The following SFXN1 variants were observed in gnomAD, a reference collection of about 807,000 sequenced individuals.
The protein encoded by SFXN1 is sideroflexin-1.
Under a neutral mutation model 39.5 loss-of-function variants are expected in SFXN1, and 32 were observed. The ratio of observed to expected loss-of-function variants is 0.81; its 90% CI spans 0.61 to 1.09. SFXN1 has a LOEUF of 1.09. Among genes scored for constraint, SFXN1 ranks in the 50% least tolerant of loss-of-function variants. The pLI is 0.00. For missense variants in SFXN1, 402 were observed against 407.1 expected (o/e 0.99, Z 0.11); for synonymous variants, 136 against 146.5 (o/e 0.93, Z 0.52).
intron 8 of SFXN1, among the ~76,000 whole-genome samples, chr5:175,520,651 G>A (rs1760851071): frequency 6.6e-6 from 1 of 152,266 alleles, no homozygotes; most frequent in African/African-American, 2.4e-5. Context: ...CCAGTTTGCT[G>A]CAGACCAGAG....
At chr5:175,484,444 C>T (rs1270267175) in intron 1 of SFXN1, among the ~76,000 whole-genome samples, 4 of 152,212 alleles carry the variant, frequency 2.6e-5, no homozygotes, top group Non-Finnish European at 4.4e-5. Flanking sequence ...ACCAGGTGTG[C>T]GGGGCACATG....
At chr5:175,491,922 GACA>G in intron 1 of SFXN1, 170 bp from the exon 2 acceptor site, 1 of 473,760 alleles carries the variant, frequency 2.1e-6, no homozygotes, top group Non-Finnish European at 3.7e-6. Context: ...GAGATTTATA[GACA>G]AACTTAGCTT....
intron 2 of SFXN1, among the ~76,000 whole-genome samples, chr5:175,493,242 A>G (rs1278053584): frequency 3.9e-5 from 6 of 152,074 alleles, no homozygotes; most frequent in Non-Finnish European, 2.9e-5. Context: ...CCTGGGCGAC[A>G]GAGCGAAACT....
chr5:175,500,824 G>T (rs1760048648), intron 2 of SFXN1, among the ~76,000 whole-genome samples: 1 of 152,156 alleles, frequency 6.6e-6, no homozygotes, highest in African/African-American at 2.4e-5. Flanking sequence ...GCACAAATGT[G>T]TATAGTTAAC....
At chr5:175,518,806 A>G (rs1049182113) in intron 8 of SFXN1, among the ~76,000 whole-genome samples, 12 of 152,266 alleles carry the variant, frequency 7.9e-5, no homozygotes, top group African/African-American at 2.7e-4. Flanking sequence ...TAAAACTTCT[A>G]GAAGAAAATA....
chr5:175,482,985 G>A (rs1759312258), intron 1 of SFXN1, among the ~76,000 whole-genome samples: 1 of 152,084 alleles, frequency 6.6e-6, no homozygotes, highest in East Asian at 1.9e-4. Context: ...TACATAAGAG[G>A]CCTTCAGTGG....
chr5:175,521,771 C>G (rs888192395), intron 8 of SFXN1, 148 bp from the exon 9 acceptor site: 1 of 594,664 alleles, frequency 1.7e-6, no homozygotes, highest in East Asian at 2.6e-5. Context: ...AGGCTAACAC[C>G]CTTGTTGCAG....
At position 175,492,101 on chromosome 5, in the gene SFXN1, A is replaced by G. The variant is rs1331181724; in HGVS notation, c.-3A>G. The G allele has an allele frequency of 1.2e-6, 2 of 1,612,266 alleles. No individual in the cohort carries two copies. Among genetic ancestry groups the G allele is most frequent in the Non-Finnish European group, 1.7e-6 (2 of 1,179,422 alleles). On this transcript the variant is annotated 5_prime_UTR_variant, in exon 2 of 11. Coordinates refer to ENST00000321442, the MANE Select transcript of SFXN1 (RefSeq NM_022754.7). ...CCTTTTTGACTCTTTGCAGTCCGGG[A>G]CCATGTCTGGAGAACTACCACCAAA...
At chr5:175,487,099 G>A (rs924915808) in intron 1 of SFXN1, among the ~76,000 whole-genome samples, 1 of 152,202 alleles carries the variant, frequency 6.6e-6, no homozygotes, top group African/African-American at 2.4e-5. Context: ...GGGTAAAGAA[G>A]GGTGCAGGGA....
At chr5:175,498,281 A>G (rs1759941601) in intron 2 of SFXN1, among the ~76,000 whole-genome samples, 1 of 152,222 alleles carries the variant, frequency 6.6e-6, no homozygotes, top group Non-Finnish European at 1.5e-5. Flanking sequence ...TAAACCCTGC[A>G]AGGTACTTCC....
intron 1 of SFXN1, among the ~76,000 whole-genome samples, chr5:175,480,401 A>G (rs2113245360): frequency 7.4e-6 from 1 of 135,716 alleles, no homozygotes; most frequent in South Asian, 2.2e-4. Context: ...ACTCCGTCTT[A>G]AAAAAAAAAA....
At chr5:175,484,706 C>T (rs116050634) in intron 1 of SFXN1, among the ~76,000 whole-genome samples, 1,876 of 152,364 alleles carry the variant, frequency 0.012, 38 homozygotes, top group African/African-American at 0.043. Flanking sequence ...GTAAGGAGCG[C>T]TCCGTGTCAG....
At chr5:175,515,748 C>G (rs1309478280) in intron 7 of SFXN1, among the ~76,000 whole-genome samples, 1 of 152,066 alleles carries the variant, frequency 6.6e-6, no homozygotes, top group Non-Finnish European at 1.5e-5. Flanking sequence ...TTTCATGGAC[C>G]AGGGGTCAGG....
intron 7 of SFXN1, 65 bp from the exon 8 acceptor site, chr5:175,516,549 A>G (rs902701503): frequency 3.9e-5 from 35 of 891,312 alleles, no homozygotes; most frequent in Non-Finnish European, 5.1e-5. Flanking sequence ...CAAATGGTTG[A>G]AAAAAAAAGT....
At chr5:175,520,847 TAC>T (rs1169822657) in intron 8 of SFXN1, among the ~76,000 whole-genome samples, 1 of 152,168 alleles carries the variant, frequency 6.6e-6, no homozygotes, top group Non-Finnish European at 1.5e-5. Flanking sequence ...TTGCCAAAGA[TAC>T]AGTGTTTTCC....
At chr5:175,481,569 C>T (rs1759252133) in intron 1 of SFXN1, among the ~76,000 whole-genome samples, 1 of 152,202 alleles carries the variant, frequency 6.6e-6, no homozygotes, top group East Asian at 1.9e-4. Flanking sequence ...CCACCTCAGC[C>T]TCCCAAAGTG....
intron 6 of SFXN1, among the ~76,000 whole-genome samples, chr5:175,512,958 T>C (rs1363451095): frequency 2.0e-5 from 3 of 152,204 alleles, no homozygotes; most frequent in Admixed American, 2.0e-4. Context: ...AGTGTTGTTT[T>C]ACTTTTATTT....
At chr5:175,519,673 A>G (rs1760819462) in intron 8 of SFXN1, among the ~76,000 whole-genome samples, 1 of 152,092 alleles carries the variant, frequency 6.6e-6, no homozygotes, top group Admixed American at 6.5e-5. Flanking sequence ...AGGAACTGCA[A>G]AGTGGTACAA....
At chr5:175,500,271 A>G (rs951705785) in intron 2 of SFXN1, among the ~76,000 whole-genome samples, 2 of 152,046 alleles carry the variant, frequency 1.3e-5, no homozygotes, top group Non-Finnish European at 2.9e-5. Flanking sequence ...ACAAAAATCA[A>G]TTTCATTCCT....
Sources: allele counts gnomAD v4.1 joint callset (sites outside exome capture counted in the v4.1 genomes callset), GRCh38; gene constraint gnomAD v4.1.1; transcripts MANE v1.5; gene names NCBI Gene and HGNC (gene_info 2026-07-23, HGNC 2026-07-21).